Variants in FKBP10 observed in about 807,000 individuals in gnomAD.
FKBP10 encodes the protein peptidyl-prolyl cis-trans isomerase FKBP10.
Under a neutral mutation model 53.7 loss-of-function variants are expected in FKBP10, and 34 were observed. The observed-to-expected ratio is 0.63, with a 90% CI of 0.48 to 0.84. The LOEUF is 0.84. FKBP10 is among the 40% of genes least tolerant of loss of function. The pLI, the probability that FKBP10 is intolerant of heterozygous loss-of-function variation, is 0.00. For synonymous variants in FKBP10, 324 were observed against 335.7 expected, an observed-to-expected ratio of 0.97 and a Z score of 0.38; for missense variants, 748 against 797.8, an observed-to-expected ratio of 0.94 and a Z score of 0.75.
Position 41,822,307 on chromosome 17 carries a change from A to C in FKBP10, c.1648A>C (p.Met550Leu). The change falls in exon 10 of 10, where the codon ATG (methionine) becomes CTG (leucine). Residue 550 changes from methionine (M) to leucine (L), a missense_variant. Transcript: ENST00000321562. ...GGACCCTGAGAAAACCATAGGAGAC[A>C]TGTTCCAGAACCAGGACCGCAACCA... ...GQDPEKTIGD[M>L]FQNQDRNQDG... 6.2e-7 allele frequency: 1 copy of C among 1,613,958 alleles called. No homozygotes were observed. Among genetic ancestry groups the C allele is most frequent in the Non-Finnish European group, 8.5e-7 (1 of 1,179,956 alleles).
rs1555617127 is a variant in FKBP10, at chr17:41,821,675, C to G, written c.1421C>G (p.Ala474Gly). Residue 474 changes from alanine to glycine, a missense_variant, in exon 9 of 10, where the codon GCT becomes GGT. Coordinates refer to ENST00000321562, the MANE Select transcript of FKBP10 (RefSeq NM_021939.4). ...ESGARGVPGS[A>G]VLLFEVELVS... Reference sequence around the variant, plus strand: ...CCAGCCCGGGGAGTCCCAGGCAGTGCTGTGCTGCTGTTTGAGGTGGAGCTG... The same window carrying G: ...CCAGCCCGGGGAGTCCCAGGCAGTGGTGTGCTGCTGTTTGAGGTGGAGCTG... 1.2e-6 allele frequency: 2 copies of G among 1,614,054 alleles called. No homozygotes were observed. The highest frequency in any genetic ancestry group is 4.5e-5 in the East Asian group (2 of 44,844).
chr17:41,813,716 G>A (rs1484919432), intron 1 of FKBP10, among the ~76,000 whole-genome samples: 1 of 152,088 alleles, frequency 6.6e-6, no homozygotes, highest in Non-Finnish European at 1.5e-5. Flanking sequence ...CAGTGCCTTT[G>A]TGGTCAGAGA....
intron 1 of FKBP10, among the ~76,000 whole-genome samples, chr17:41,816,322 C>T (rs1340879502): frequency 6.9e-6 from 1 of 145,680 alleles, no homozygotes; most frequent in East Asian, 2.1e-4. Flanking sequence ...CCTCCGCCTC[C>T]CGGGTTCACG....
In FKBP10 at chr17:41,813,021, C is replaced by T. The variant is rs1276853165; in HGVS notation, c.-14C>T. On this transcript the variant is annotated 5_prime_UTR_variant, in exon 1 of 10. Transcript: ENST00000321562. Reference sequence around the variant, plus strand: ...CGCTCGCCCTCACTGCCGGCGGTCCCAACTCCAGGCACCATGTTCCCCGCG... The same window carrying T: ...CGCTCGCCCTCACTGCCGGCGGTCCTAACTCCAGGCACCATGTTCCCCGCG... 1 of 1,609,346 alleles carries T rather than the reference C, an allele frequency of 6.2e-7. No homozygotes were observed. The highest frequency in any genetic ancestry group is 8.5e-7 in the Non-Finnish European group (1 of 1,179,478).
At chr17:41,813,406 C>T (rs893922905) in intron 1 of FKBP10, 127 bp downstream of exon 1, 27 of 1,216,284 alleles carry the variant, frequency 2.2e-5, no homozygotes, top group Non-Finnish European at 3.0e-5. Context: ...CTGGGGCCTC[C>T]CAGACACCCA....
At chr17:41,815,567 A>C (rs572279618) in intron 1 of FKBP10, among the ~76,000 whole-genome samples, 1 of 149,876 alleles carries the variant, frequency 6.7e-6, no homozygotes, top group South Asian at 2.1e-4. Context: ...CTGGGTTCAC[A>C]CCATTCTCCT....
intron 8 of FKBP10, 149 bp from the exon 9 acceptor site, chr17:41,821,505 C>T (rs1236183980): frequency 1.3e-5 from 12 of 924,368 alleles, no homozygotes; most frequent in Non-Finnish European, 1.9e-5. Flanking sequence ...GTCAGGAATG[C>T]CTTCAGGATG....
intron 4 of FKBP10, among the ~76,000 whole-genome samples, 189 bp downstream of exon 4, chr17:41,818,716 C>A (rs2047848367): frequency 6.6e-6 from 1 of 151,978 alleles, no homozygotes; most frequent in Admixed American, 6.6e-5. Context: ...GCTTGTAATC[C>A]CAGCACTTTG....
At position 41,822,206 on chromosome 17, in the gene FKBP10, G is replaced by A; in HGVS notation, c.1564-17G>A. 1 of 1,608,348 alleles carries A rather than the reference G, an allele frequency of 6.2e-7. No individual in the cohort carries two copies. Among genetic ancestry groups the A allele is most frequent in the South Asian group, 1.1e-5 (1 of 90,056 alleles). ...ATGACCCTCACTGCCCGCTCCCCCGGCTCTCCCCTGCCCCAGTTCTCCACC... is the reference window on the plus strand; with the variant it reads ...ATGACCCTCACTGCCCGCTCCCCCGACTCTCCCCTGCCCCAGTTCTCCACC... On this transcript the variant is annotated splice_polypyrimidine_tract_variant and intron_variant, in intron 9 of 9. Transcript: ENST00000321562.
At chr17:41,821,942 C>CCG in intron 9 of FKBP10, 125 bp downstream of exon 9, 1 of 1,213,374 alleles carries the variant, frequency 8.2e-7, no homozygotes, top group South Asian at 1.3e-5. Flanking sequence ...GCGCTGAGTC[C>CCG]CACGCCTCAG....
In FKBP10 at chr17:41,818,152, A is replaced by C; in HGVS notation, c.455A>C (p.Lys152Thr). Residue 152 changes from lysine (K) to threonine (T), a missense_variant, in exon 3 of 10, where the codon AAG (lysine) becomes ACG (threonine). Transcript: ENST00000321562. ...GTGGTTCTGCTGGATGTGTGGAACA[A>C]GGAAGACACCGTGCAGGTGAGCACA... is the stretch of plus-strand genomic sequence containing the variant. Reference protein sequence around the residue: ...FDVVLLDVWNKEDTVQVSTLL... With the variant: ...FDVVLLDVWNTEDTVQVSTLL... 1 of 1,613,840 alleles carries C rather than the reference A, an allele frequency of 6.2e-7. No individual in the cohort carries two copies. Among genetic ancestry groups the C allele is most frequent in the Non-Finnish European group, 8.5e-7 (1 of 1,179,942 alleles).
intron 1 of FKBP10, 84 bp downstream of exon 1, chr17:41,813,363 T>TATTTAA: frequency 6.4e-7 from 1 of 1,571,772 alleles, no homozygotes; most frequent in Non-Finnish European, 8.7e-7. Context: ...TTTTAAGCTC[T>TATTTAA]GCATCCCAAT....
Position 41,818,366 on chromosome 17 carries a change from A to C in FKBP10, c.582-16A>C, listed in dbSNP as rs1555616419. 6.2e-7 allele frequency: 1 copy of C among 1,613,920 alleles called. No homozygotes were observed. The highest frequency in any genetic ancestry group is 1.3e-5 in the African/African-American group (1 of 74,866). On this transcript the variant is annotated splice_polypyrimidine_tract_variant and intron_variant, in intron 3 of 9. Transcript: ENST00000321562. ...GGCCCAGCCTGCCTCTCCCACCTCC[A>C]CCTCATTTTCTGCAGCTACAGTAAG...
rs782227439 is a variant in FKBP10, at chr17:41,817,064, T to A, written c.252T>A (p.Asp84Glu). ...TCTGTCCCTCCCCCCCCAGCTATGA[T>A]CGCAACACCTTGGTGGCCATCGTGG... ...EDGKKFDSSY[D>E]RNTLVAIVVG... Residue 84 changes from aspartate (D) to glutamate (E), a missense_variant, in exon 2 of 10, where the codon GAT becomes GAA. Coordinates refer to ENST00000321562, the MANE Select transcript of FKBP10 (RefSeq NM_021939.4). The A allele has an allele frequency of 5.6e-6, 9 of 1,613,898 alleles. No homozygotes were observed. The highest frequency in any genetic ancestry group is 5.9e-6 in the Non-Finnish European group (7 of 1,180,028).
intron 7 of FKBP10, chr17:41,820,732 G>A (rs1237686612): frequency 2.8e-6 from 2 of 706,812 alleles, no homozygotes; most frequent in African/African-American, 1.8e-5. Flanking sequence ...AGGGAGCCAT[G>A]AGCCCTCGAG....
At chr17:41,816,770 A>G (rs1205639480) in intron 1 of FKBP10, among the ~76,000 whole-genome samples, 1 of 152,182 alleles carries the variant, frequency 6.6e-6, no homozygotes, top group Non-Finnish European at 1.5e-5. Flanking sequence ...AAATAGTAGC[A>G]GCCATCAGGC....
At chr17:41,813,770 C>A (rs1042441936) in intron 1 of FKBP10, among the ~76,000 whole-genome samples, 2 of 152,122 alleles carry the variant, frequency 1.3e-5, no homozygotes, top group East Asian at 3.9e-4. Flanking sequence ...GAGTTTTCAG[C>A]GGCTGGTGGG....
chr17:41,820,570 AG>A, intron 7 of FKBP10, 109 bp downstream of exon 7: 1 of 1,151,324 alleles, frequency 8.7e-7, no homozygotes, highest in Non-Finnish European at 1.3e-6. Flanking sequence ...CTCGAGCGCC[AG>A]GGGAGCATTC....
chr17:41,818,947 C>G, intron 4 of FKBP10: 1 of 374,376 alleles, frequency 2.7e-6, no homozygotes, highest in Non-Finnish European at 4.8e-6. Context: ...CAGAGCGAGA[C>G]TCTGTCTCAA....
Sources: allele counts gnomAD v4.1 joint callset (sites outside exome capture counted in the v4.1 genomes callset), GRCh38; gene constraint gnomAD v4.1.1; transcripts MANE v1.5; gene names NCBI Gene and HGNC (gene_info 2026-07-23, HGNC 2026-07-21).